Variants in IFT20 observed in about 807,000 individuals in gnomAD.
IFT20 encodes the protein intraflagellar transport 20.
IFT20 carries 4 observed loss-of-function variants against 16.9 expected under a neutral mutation model. The observed-to-expected ratio is 0.24, with a 90% CI of 0.12 to 0.54. The LOEUF is 0.54. IFT20 is among the 20% of genes least tolerant of loss of function. The probability of loss-of-function intolerance (pLI) is 0.95; values close to 1 mark genes in which losing one functional copy is unlikely to be tolerated. For missense variants in IFT20, 154 were observed against 149.7 expected, an observed-to-expected ratio of 1.03 and a Z score of -0.15; for synonymous variants, 48 against 49.9, an observed-to-expected ratio of 0.96 and a Z score of 0.16.
In IFT20 at chr17:28,328,586, G is replaced by T; in HGVS notation, c.*66C>A. ...GGTCAAGCCGCTGGAATGCTACAGA[G>T]GTTTTTTTGGTTTTGAGAGGCTTTT... On this transcript the variant is annotated 3_prime_UTR_variant, in exon 5 of 5. Coordinates refer to ENST00000395418, the MANE Select transcript of IFT20 (RefSeq NM_001267776.2). 1.0e-6 allele frequency: 1 copy of T among 976,768 alleles called. No homozygotes were observed. Among genetic ancestry groups the T allele is most frequent in the Non-Finnish European group, 1.6e-6 (1 of 633,176 alleles). The allele number at this position is 976,768 out of a possible 1,614,324, so 60.5% of individuals were successfully genotyped here.
Position 28,330,452 on chromosome 17 carries a change from T to G in IFT20, c.204A>C (p.Glu68Asp), listed in dbSNP as rs782429763. 1 of 1,612,948 alleles carries G rather than the reference T, an allele frequency of 6.2e-7. No homozygotes were observed. Among genetic ancestry groups the G allele is most frequent in the Non-Finnish European group, 8.5e-7 (1 of 1,178,902 alleles). The change falls in exon 3 of 5, where the codon GAA becomes GAC. Residue 68 changes from glutamate (E) to aspartate (D), a missense_variant. Physicochemically the swap from Glu to Asp is conservative, Grantham distance 45. Coordinates refer to ENST00000395418, the MANE Select transcript of IFT20 (RefSeq NM_001267776.2). Reference protein sequence around the residue: ...VDQLAKEAENEKMKAIGARNL... With the variant: ...VDQLAKEAENDKMKAIGARNL... ...GACATGCTGATCTTACCTTCATCTT[T>G]TCATTTTCTGCTTCTTTTGCAAGTT...
At chr17:28,334,926 T>C (rs1597790508) in intron 1 of IFT20, among the ~76,000 whole-genome samples, 1 of 152,236 alleles carries the variant, frequency 6.6e-6, no homozygotes, top group Non-Finnish European at 1.5e-5. Flanking sequence ...ATAGGTAAGA[T>C]GGAAGAAGAG....
chr17:28,328,986 A>G, intron 4 of IFT20, 187 bp downstream of exon 4: 1 of 619,864 alleles, frequency 1.6e-6, no homozygotes, highest in East Asian at 2.9e-5. Flanking sequence ...GTTTGATATT[A>G]ACAAGTTTTC....
intron 2 of IFT20, among the ~76,000 whole-genome samples, chr17:28,330,732 G>A (rs1555576459): frequency 6.6e-6 from 1 of 152,168 alleles, no homozygotes; most frequent in Non-Finnish European, 1.5e-5. Flanking sequence ...GAACCCAGGA[G>A]TTAGAGGATG....
chr17:28,329,491 T>C (rs782334645), intron 3 of IFT20: 2 of 511,976 alleles, frequency 3.9e-6, no homozygotes, highest in Non-Finnish European at 3.5e-6. Context: ...TCTAGGAGTA[T>C]TCCTAGAGCC....
chr17:28,330,129 G>C, intron 3 of IFT20: 1 of 618,642 alleles, frequency 1.6e-6, no homozygotes, highest in Non-Finnish European at 2.9e-6. Flanking sequence ...CCACCTACTC[G>C]GGAGGGTGAG....
Position 28,331,229 on chromosome 17 carries a change from T to A in IFT20, c.127+630A>T, listed in dbSNP as rs149309503. Among the ~76,000 whole-genome samples the A allele has an allele frequency of 5.2e-3, 789 of 152,182 alleles. 9 individuals are homozygous for A. Among genetic ancestry groups the A allele is most frequent in the Admixed American group, 0.028 (423 of 15,278 alleles). On this transcript the variant is annotated intron_variant, in intron 2 of 4. Coordinates refer to ENST00000395418, the MANE Select transcript of IFT20 (RefSeq NM_001267776.2). ...GAGGGGAAACTAAGGCCCAGAGAGG[T>A]GTGTGCATGGCACAGCAATCACAGG... is the stretch of plus-strand genomic sequence containing the variant.
At chr17:28,329,488 G>A in intron 3 of IFT20, 1 of 528,792 alleles carries the variant, frequency 1.9e-6, no homozygotes, top group Non-Finnish European at 3.4e-6. Context: ...AGGTCTAGGA[G>A]TATTCCTAGA....
intron 4 of IFT20, 36 bp from the exon 5 acceptor site, chr17:28,328,769 G>T: frequency 7.9e-7 from 1 of 1,273,374 alleles, no homozygotes. Context: ...CTGAAAAAAA[G>T]ATGAAGTAAA....
At chr17:28,335,096 G>A (rs1439227480) in intron 1 of IFT20, among the ~76,000 whole-genome samples, 3 of 152,308 alleles carry the variant, frequency 2.0e-5, no homozygotes. Flanking sequence ...GCGAGGCACT[G>A]CGAGCCGACT....
In IFT20 at chr17:28,330,459, T is replaced by C; in HGVS notation, c.197A>G (p.Glu66Gly). The C allele has an allele frequency of 1.2e-6, 2 of 1,613,586 alleles. No individual in the cohort carries two copies. The highest frequency in any genetic ancestry group is 2.2e-5 in the South Asian group (2 of 91,074). The stretch of plus-strand genomic sequence containing the variant: ...TGATCTTACCTTCATCTTTTCATTT[T>C]CTGCTTCTTTTGCAAGTTGATCAAC... ...ELVDQLAKEA[E>G]NEKMKAIGAR... Residue 66 changes from glutamate (E) to glycine (G), a missense_variant, in exon 3 of 5, where the codon GAA becomes GGA. Glu to Gly is a moderately conservative substitution (Grantham distance 98, BLOSUM62 -2). Transcript: ENST00000395418.
rs1303513186 is a variant in IFT20 at position 28,329,253 on chromosome 17, G to T, written c.237C>A (p.Leu79=). 1 of 1,613,810 alleles carries T rather than the reference G, an allele frequency of 6.2e-7. No individual in the cohort carries two copies. Among genetic ancestry groups the T allele is most frequent in the Non-Finnish European group, 8.5e-7 (1 of 1,179,954 alleles). Residue 79 remains leucine, a synonymous_variant, in exon 4 of 5, where the codon CTC becomes CTA. Transcript: ENST00000395418. The part of the protein sequence containing the change: ...KMKAIGARNL[L]KSIAKQREAQ... ...CTTCTCTCTGCTTTGCTATAGATTT[G>T]AGCAAGTTCCGAGCACCGATGGCCT...
At chr17:28,334,516 G>A (rs970219699) in intron 1 of IFT20, among the ~76,000 whole-genome samples, 1 of 152,266 alleles carries the variant, frequency 6.6e-6, no homozygotes, top group Non-Finnish European at 1.5e-5. Flanking sequence ...TAATGGGACA[G>A]CCAGCGGGTT....
At chr17:28,329,103 G>C in intron 4 of IFT20, 70 bp downstream of exon 4, 1 of 1,018,860 alleles carries the variant, frequency 9.8e-7, no homozygotes, top group Non-Finnish European at 1.5e-6. Flanking sequence ...AGGACAAGAA[G>C]TGATCATTCC....
chr17:28,330,543 A>G lies in IFT20; in HGVS notation c.128-15T>C, dbSNP rs1340667822. 1 of 1,552,412 alleles carries G rather than the reference A, an allele frequency of 6.4e-7. No homozygotes were observed. Among genetic ancestry groups the G allele is most frequent in the Non-Finnish European group, 8.9e-7 (1 of 1,123,846 alleles). Reference sequence around the variant, plus strand: ...CTGGCCAATTTCTTTTAGGAAAAGAACAAAAAATAAAATATTTCCTTAGTA... The same window carrying G: ...CTGGCCAATTTCTTTTAGGAAAAGAGCAAAAAATAAAATATTTCCTTAGTA... On this transcript the variant is annotated splice_polypyrimidine_tract_variant and intron_variant, in intron 2 of 4. Transcript: ENST00000395418.
intron 4 of IFT20, 55 bp downstream of exon 4, chr17:28,329,118 G>A (rs1555576016): frequency 2.5e-6 from 3 of 1,179,804 alleles, no homozygotes; most frequent in Admixed American, 3.5e-5. Flanking sequence ...CATTCCAGAA[G>A]GAAGAGTGGA....
At chr17:28,333,127 A>G (rs1179836553) in intron 1 of IFT20, among the ~76,000 whole-genome samples, 7 of 150,716 alleles carry the variant, frequency 4.6e-5, no homozygotes, top group Non-Finnish European at 1.0e-4. Flanking sequence ...AGACATCTTT[A>G]TGACCTGTTT....
chr17:28,328,726 C>G lies in IFT20; in HGVS notation c.325G>C (p.Val109Leu). The G allele has an allele frequency of 1.3e-6, 2 of 1,592,424 alleles. No individual in the cohort carries two copies. The highest frequency in any genetic ancestry group is 1.7e-6 in the Non-Finnish European group (2 of 1,169,154). The stretch of plus-strand genomic sequence containing the variant: ...ACTTTACACAAAGCTTCATATTCAA[C>G]CCGATACCTGAAAAACAAAATTGTT... ...EKKMQLERYR[V>L]EYEALCKVEA... The change falls in exon 5 of 5, where the codon GTT becomes CTT. Residue 109 changes from valine to leucine, a missense_variant. Transcript: ENST00000395418.
chr17:28,332,316 C>T, intron 1 of IFT20: 1 of 988,238 alleles, frequency 1.0e-6, no homozygotes, highest in Middle Eastern at 3.0e-4. Flanking sequence ...CATGCCAACA[C>T]TGCTAGATGC....
Sources: gnomAD v4.1 joint callset for allele counts (sites outside exome capture counted in the v4.1 genomes callset) on GRCh38, gnomAD v4.1.1 for gene constraint, MANE v1.5 for transcripts, NCBI Gene and HGNC (gene_info 2026-07-23, HGNC 2026-07-21) for gene names.